The following P4HA1 variants were observed in gnomAD, a reference collection of about 807,000 sequenced individuals.
P4HA1 encodes the protein prolyl 4-hydroxylase subunit alpha-1.
P4HA1 carries 24 observed loss-of-function variants against 72.8 expected under a neutral mutation model. The observed-to-expected ratio is 0.33, with a 90% CI of 0.24 to 0.46. The LOEUF (loss-of-function observed/expected upper bound fraction) is 0.46. Ranked by LOEUF, P4HA1 falls within the 20% of genes least tolerant of loss-of-function variation. The pLI, the probability that P4HA1 is intolerant of heterozygous loss-of-function variation, is 1.00. For missense variants in P4HA1, 446 were observed against 640.6 expected, an observed-to-expected ratio of 0.70 and a Z score of 3.28; for synonymous variants, 201 against 218.8, an observed-to-expected ratio of 0.92 and a Z score of 0.72.
intron 1 of P4HA1, among the ~76,000 whole-genome samples, chr10:73,091,270 C>A (rs1350142248): frequency 6.6e-6 from 1 of 151,876 alleles, no homozygotes; most frequent in African/African-American, 2.4e-5. Context: ...ATTTTGAGGT[C>A]CTAAATTCAA....
At chr10:73,021,695 A>G (rs1840139656) in intron 10 of P4HA1, among the ~76,000 whole-genome samples, 1 of 152,224 alleles carries the variant, frequency 6.6e-6, no homozygotes, top group Non-Finnish European at 1.5e-5. Context: ...GCATCGCCTC[A>G]CCCAGGAAGC....
intron 5 of P4HA1, among the ~76,000 whole-genome samples, chr10:73,060,343 C>G (rs151330284): frequency 6.2e-4 from 95 of 152,254 alleles, no homozygotes; most frequent in East Asian, 2.5e-3. Flanking sequence ...CTGTTTATGA[C>G]AAACTATATA....
chr10:73,081,271 C>T (rs1564637234), intron 1 of P4HA1, among the ~76,000 whole-genome samples: 1 of 151,850 alleles, frequency 6.6e-6, no homozygotes, highest in East Asian at 1.9e-4. Flanking sequence ...AAAGAAAACC[C>T]AAGAAGAGTC....
At chr10:73,074,679 T>G in intron 2 of P4HA1, 129 bp downstream of exon 2, 1 of 601,946 alleles carries the variant, frequency 1.7e-6, no homozygotes, top group Non-Finnish European at 3.0e-6. Flanking sequence ...AAAAAGGACC[T>G]TTTAGGGGGC....
At chr10:73,052,739 C>A (rs766207790) in intron 6 of P4HA1, among the ~76,000 whole-genome samples, 3 of 151,992 alleles carry the variant, frequency 2.0e-5, no homozygotes, top group Non-Finnish European at 2.9e-5. Context: ...CGTTATATAC[C>A]AAAGGCCACC....
intron 9 of P4HA1, among the ~76,000 whole-genome samples, chr10:73,035,528 C>G (rs919116977): frequency 6.6e-6 from 1 of 152,028 alleles, no homozygotes; most frequent in Non-Finnish European, 1.5e-5. Flanking sequence ...AAAAAAACAA[C>G]AGAACACCAC....
intron 9 of P4HA1, among the ~76,000 whole-genome samples, chr10:73,034,510 T>C (rs1398623716): frequency 6.6e-6 from 1 of 152,070 alleles, no homozygotes; most frequent in Non-Finnish European, 1.5e-5. Context: ...GATTTGCCTA[T>C]TCTAGGTATC....
intron 4 of P4HA1, among the ~76,000 whole-genome samples, chr10:73,070,236 C>T (rs12240932): frequency 7.3e-6 from 1 of 137,460 alleles, no homozygotes; most frequent in Non-Finnish European, 1.5e-5. Context: ...TGGCTCATGG[C>T]AACCTCCAAC....
chr10:73,013,895 G>A (rs1447648472), intron 12 of P4HA1, among the ~76,000 whole-genome samples: 2 of 152,088 alleles, frequency 1.3e-5, no homozygotes, highest in Admixed American at 1.3e-4. Context: ...TAATGTGTAT[G>A]TGTATGTATA....
intron 1 of P4HA1, among the ~76,000 whole-genome samples, chr10:73,078,600 ATTTTTTTTTTTTTTTTT>A (rs770821126): frequency 1.0e-5 from 1 of 99,630 alleles, no homozygotes; most frequent in African/African-American, 4.7e-5. Context: ...GCAGTAGGTA[ATTTTTTTTTTTTTTTTT>A]TTTTTTTTTT....
At chr10:73,028,307 AACACACAC>A (rs10561551) in intron 10 of P4HA1, among the ~76,000 whole-genome samples, 391 of 143,756 alleles carry the variant, frequency 2.7e-3, no homozygotes, top group East Asian at 3.7e-3. Flanking sequence ...GTCACTGTAA[AACACACAC>A]ACACACACAC....
chr10:73,011,475 G>A (rs535901733), intron 12 of P4HA1, among the ~76,000 whole-genome samples: 16 of 152,088 alleles, frequency 1.1e-4, no homozygotes, highest in African/African-American at 3.9e-4. Context: ...AAGAACAGTA[G>A]GTGCTCAAGA....
chr10:73,030,661 A>G (rs1306561024), intron 9 of P4HA1, among the ~76,000 whole-genome samples: 1 of 152,228 alleles, frequency 6.6e-6, no homozygotes, highest in Non-Finnish European at 1.5e-5. Context: ...AGCCACCTAC[A>G]TTGAGAACTT....
chr10:73,050,942 CTGATTTT>C, intron 7 of P4HA1, 104 bp downstream of exon 7: 1 of 837,190 alleles, frequency 1.2e-6, no homozygotes, highest in Non-Finnish European at 1.9e-6. Flanking sequence ...TGCAGTCATT[CTGATTTT>C]TATCACATAG....
Position 73,008,188 on chromosome 10 carries a change from G to C in P4HA1, c.*34C>G, listed in dbSNP as rs776338551. ...AAATGTGTATATCAGACACATAAGA[G>C]TACAACAATAGGAGAAAAAGGGAAG... On this transcript the variant is annotated 3_prime_UTR_variant, in exon 15 of 15. Transcript: ENST00000394890. The C allele has an allele frequency of 4.4e-6, 6 of 1,372,600 alleles. No homozygotes were observed. The Admixed American group carries it at 6.7e-5, about 15-fold the overall frequency. 85.0% of individuals were successfully genotyped at this position (1,372,600 alleles called of 1,614,324 possible). A position where few individuals can be genotyped will look rare whatever the true frequency, so the allele number is the denominator to read the frequency against.
intron 12 of P4HA1, among the ~76,000 whole-genome samples, chr10:73,011,554 T>C (rs1237579100): frequency 6.6e-6 from 1 of 151,982 alleles, no homozygotes; most frequent in Non-Finnish European, 1.5e-5. Flanking sequence ...ATCAAACATA[T>C]TAAATAAAAG....
chr10:73,017,072 G>A lies in P4HA1; in HGVS notation c.1249-173C>T, dbSNP rs192465593. On this transcript the variant is annotated intron_variant, in intron 10 of 14. Transcript: ENST00000394890. The stretch of plus-strand genomic sequence containing the variant: ...TATGAAAACAGGGATGAAAAACAAA[G>A]GACAGCTACTATATATCTATGTACA... Among the ~76,000 whole-genome samples, 9 of 151,272 alleles carry A rather than the reference G, an allele frequency of 5.9e-5. 1 individual carries two copies. The highest frequency in any genetic ancestry group is 2.2e-4 in the African/African-American group (9 of 41,190).
rs371795501 is a variant in P4HA1 at position 73,095,564 on chromosome 10, G to A, written c.-33+1202C>T. Reference sequence around the variant, plus strand: ...AAGAGTAAAAAATTGATGAAAGAACGCTGCTGCCACGTCTTTGCCCCTCCC... The same window carrying A: ...AAGAGTAAAAAATTGATGAAAGAACACTGCTGCCACGTCTTTGCCCCTCCC... On this transcript the variant is annotated intron_variant, in intron 1 of 14. Coordinates refer to ENST00000394890, the MANE Select transcript of P4HA1 (RefSeq NM_001017962.3). Among the ~76,000 whole-genome samples the A allele has an allele frequency of 5.4e-5, 8 of 148,120 alleles. No individual in the cohort carries two copies. In the East Asian group the frequency reaches 7.8e-4, roughly 14 times the overall value.
chr10:73,048,087 A>G (rs1840918048), intron 7 of P4HA1, among the ~76,000 whole-genome samples: 1 of 152,130 alleles, frequency 6.6e-6, no homozygotes, highest in Non-Finnish European at 1.5e-5. Context: ...AGTATGTCAC[A>G]TAAGCAGGAA....
Sources: allele counts gnomAD v4.1 joint callset (sites outside exome capture counted in the v4.1 genomes callset), GRCh38; gene constraint gnomAD v4.1.1; transcripts MANE v1.5; gene names NCBI Gene and HGNC (gene_info 2026-07-23, HGNC 2026-07-21).